CINP: variants seen among roughly 807,000 people sequenced by gnomAD.
CINP encodes the protein cyclin dependent kinase 2 interacting protein, also known as cyclin-dependent kinase 2-interacting protein.
CINP carries 11 observed loss-of-function variants against 20.5 expected under a neutral mutation model. That is an observed-to-expected ratio of 0.54 (90% CI 0.34 to 0.89). CINP has a LOEUF of 0.89. CINP is among the 40% of genes least tolerant of loss of function. The pLI is 0.02. For synonymous variants in CINP, 108 were observed against 102.1 expected (o/e 1.06, Z -0.35); for missense variants, 213 against 251.0 (o/e 0.85, Z 1.02).
chr14:102,350,871 G>C (rs1886852806), intron 3 of CINP, among the ~76,000 whole-genome samples: 1 of 149,292 alleles, frequency 6.7e-6, no homozygotes, highest in South Asian at 2.1e-4. Context: ...GCAGTGCCAG[G>C]CTGGAGTGCA....
At chr14:102,354,582 C>T (rs1245403056) in intron 3 of CINP, among the ~76,000 whole-genome samples, 3 of 149,178 alleles carry the variant, frequency 2.0e-5, no homozygotes, top group Non-Finnish European at 3.0e-5. Context: ...CATGGTGAAA[C>T]CCCATCTCTA....
At position 102,359,234 on chromosome 14, in the gene CINP, A is replaced by ATATATATATATG. The variant is rs1236159653; in HGVS notation, c.176+184_176+185insCATATATATATA. ...TAAATAAATAAATAACTAAATATAT[A>ATATATATATATG]TATATATATATATATATATGGAATA... On this transcript the variant is annotated intron_variant, in intron 2 of 4. Transcript: ENST00000216756. 1.1e-3 allele frequency among the ~76,000 whole-genome samples: 132 copies of ATATATATATATG among 118,496 alleles called. 3 individuals are homozygous for ATATATATATATG. The highest frequency in any genetic ancestry group is 3.3e-3 in the African/African-American group (124 of 37,484). The allele number at this position is 118,496 out of a possible 152,430, so 77.7% of individuals were successfully genotyped here. A position where few individuals can be genotyped will look rare whatever the true frequency, so the allele number is the denominator to read the frequency against.
intron 3 of CINP, among the ~76,000 whole-genome samples, chr14:102,355,161 TA>T (rs527304416): frequency 2.9e-4 from 44 of 152,320 alleles, no homozygotes; most frequent in African/African-American, 1.0e-3. Context: ...TATGGCTGTT[TA>T]GTCCTATGTG....
intron 3 of CINP, among the ~76,000 whole-genome samples, chr14:102,350,367 G>A (rs866346166): frequency 6.6e-6 from 1 of 151,854 alleles, no homozygotes; most frequent in African/African-American, 2.4e-5. Context: ...GGAATCCCAA[G>A]GCAGGCTCTT....
chr14:102,356,440 C>T (rs545402376), intron 2 of CINP, among the ~76,000 whole-genome samples: 4 of 151,738 alleles, frequency 2.6e-5, no homozygotes, highest in South Asian at 2.1e-4. Flanking sequence ...CACCATTCAG[C>T]GGTGTGGCAT....
chr14:102,362,798 A>G, intron 1 of CINP, 47 bp downstream of exon 1: 1 of 1,612,662 alleles, frequency 6.2e-7, no homozygotes, highest in Non-Finnish European at 8.5e-7. Context: ...CCTAAGCAGT[A>G]ACATTCACAG....
In CINP at chr14:102,348,567, C is replaced by G. The variant is rs377018111; in HGVS notation, c.629G>C (p.Arg210Pro). The change falls in exon 5 of 5, where the codon CGA (arginine) becomes CCA (proline). Residue 210 changes from arginine to proline, a missense_variant. Arg to Pro is a moderately radical substitution (Grantham distance 103). Coordinates refer to ENST00000216756, the MANE Select transcript of CINP (RefSeq NM_032630.3). ...LESMLLETGHRAL is the reference protein window; with the variant it reads ...LESMLLETGHPAL The stretch of plus-strand genomic sequence containing the variant: ...AGCCGTCTCAGGACGTCAGAGAGCT[C>G]GGTGGCCTGTCTCCAGCAGCATGCT... 2.5e-6 allele frequency: 4 copies of G among 1,610,214 alleles called. No homozygotes were observed. The highest frequency in any genetic ancestry group is 2.7e-5 in the African/African-American group (2 of 75,016).
chr14:102,357,287 C>A (rs533169326), intron 2 of CINP, among the ~76,000 whole-genome samples: 63 of 145,234 alleles, frequency 4.3e-4, no homozygotes, highest in Non-Finnish European at 8.9e-4. Flanking sequence ...GAGGCAAAGG[C>A]AGGAGAATTG....
At chr14:102,360,722 G>A (rs908752699) in intron 1 of CINP, among the ~76,000 whole-genome samples, 3 of 152,104 alleles carry the variant, frequency 2.0e-5, no homozygotes, top group African/African-American at 4.8e-5. Flanking sequence ...TTAGCTCAAG[G>A]GCCTCTACTA....
rs1886860072 is a variant in CINP, at chr14:102,351,190, A to T, written c.307-1142T>A. Among the ~76,000 whole-genome samples the T allele has an allele frequency of 6.6e-6, 1 of 152,198 alleles. No individual in the cohort carries two copies. Among genetic ancestry groups the T allele is most frequent in the East Asian group, 1.9e-4 (1 of 5,200 alleles). ...TTGACTTCCTTGTTTATAAAATGGC[A>T]ACACAGAAAGGGAGCCCTACACACT... is the stretch of plus-strand genomic sequence containing the variant. On this transcript the variant is annotated intron_variant, in intron 3 of 4. Coordinates refer to ENST00000216756, the MANE Select transcript of CINP (RefSeq NM_032630.3). The surrounding 1 kb of genome is among the most constrained non-coding windows in gnomAD (Gnocchi z 4.2).
rs542670467 is a variant in CINP, at chr14:102,354,290, G to A, written c.306+1478C>T. Among the ~76,000 whole-genome samples the A allele has an allele frequency of 2.6e-5, 4 of 152,292 alleles. No homozygotes were observed. In the East Asian group the frequency reaches 7.7e-4, roughly 29 times the overall value. ...TTTAGTCTCTTACGTGCTGTATCAG[G>A]GATGGGCAAACTATCCCTGGAACAC... On this transcript the variant is annotated intron_variant, in intron 3 of 4. Coordinates refer to ENST00000216756, the MANE Select transcript of CINP (RefSeq NM_032630.3).
chr14:102,356,827 A>T (rs756607421), intron 2 of CINP, among the ~76,000 whole-genome samples: 4 of 152,138 alleles, frequency 2.6e-5, no homozygotes, highest in South Asian at 2.1e-4. Flanking sequence ...AGCTTAATGA[A>T]TGGATGTTGT....
intron 3 of CINP, among the ~76,000 whole-genome samples, chr14:102,354,473 C>G (rs1038648553): frequency 6.6e-6 from 1 of 152,154 alleles, no homozygotes; most frequent in Non-Finnish European, 1.5e-5. Flanking sequence ...TAAAGATTTC[C>G]TGGACGAACA....
chr14:102,358,048 T>A lies in CINP; in HGVS notation c.176+1371A>T, dbSNP rs540343346. On this transcript the variant is annotated intron_variant, in intron 2 of 4. Coordinates refer to ENST00000216756, the MANE Select transcript of CINP (RefSeq NM_032630.3). ...TTCCTAGGGCCCTTAAGAATGATGTTAAATCTACTCTGCCAGTGGAAAAAG... is the reference window on the plus strand; with the variant it reads ...TTCCTAGGGCCCTTAAGAATGATGTAAAATCTACTCTGCCAGTGGAAAAAG... Among the ~76,000 whole-genome samples the A allele has an allele frequency of 1.1e-4, 16 of 152,314 alleles. 1 individual carries two copies. The highest frequency in any genetic ancestry group is 9.8e-4 in the Admixed American group (15 of 15,302).
Position 102,362,866 on chromosome 14 carries a change from T to A in CINP, c.-15A>T, listed in dbSNP as rs1476254135. ...GCACCTTCCATAAGGTCCACAGATA[T>A]CCGTAGAAGGAGACGCGAAGCCCCG... is the stretch of plus-strand genomic sequence containing the variant. On this transcript the variant is annotated 5_prime_UTR_variant, in exon 1 of 5. Coordinates refer to ENST00000216756, the MANE Select transcript of CINP (RefSeq NM_032630.3). The A allele has an allele frequency of 1.2e-6, 2 of 1,614,018 alleles. No homozygotes were observed. Among genetic ancestry groups the A allele is most frequent in the East Asian group, 2.2e-5 (1 of 44,868 alleles).
chr14:102,352,185 C>T (rs1191422935), intron 3 of CINP, among the ~76,000 whole-genome samples: 2 of 152,156 alleles, frequency 1.3e-5, no homozygotes, highest in African/African-American at 4.8e-5. Flanking sequence ...CGCGCCCAGC[C>T]GACACCAAGT....
chr14:102,361,467 A>G (rs1373411149), intron 1 of CINP, among the ~76,000 whole-genome samples: 2 of 151,760 alleles, frequency 1.3e-5, no homozygotes, highest in Admixed American at 6.6e-5. Context: ...GTGAAACCTC[A>G]TCTCTACTAA....
In CINP at chr14:102,351,270, GA is replaced by G. The variant is rs1157490318; in HGVS notation, c.307-1223del. ...CTGCCATTGACGGTCCCTCAGTGTG[GA>G]CCAGGCTCTGTCCTAAGCCCTGTAA... On this transcript the variant is annotated intron_variant, in intron 3 of 4. Coordinates refer to ENST00000216756, the MANE Select transcript of CINP (RefSeq NM_032630.3). The surrounding 1 kb of genome is among the most constrained non-coding windows in gnomAD (Gnocchi z 4.2). Among the ~76,000 whole-genome samples, 1 of 152,216 alleles carries G rather than the reference GA, an allele frequency of 6.6e-6. No homozygotes were observed. Among genetic ancestry groups the G allele is most frequent in the African/African-American group, 2.4e-5 (1 of 41,466 alleles).
intron 1 of CINP, among the ~76,000 whole-genome samples, chr14:102,360,534 G>A (rs1887117505): frequency 1.3e-5 from 2 of 152,202 alleles, no homozygotes; most frequent in South Asian, 2.1e-4. Flanking sequence ...GCCTGCGTCT[G>A]AACCCCAGCT....
Sources: allele counts gnomAD v4.1 joint callset (sites outside exome capture counted in the v4.1 genomes callset), GRCh38; gene constraint gnomAD v4.1.1; non-coding constraint Gnocchi (gnomAD v3.1); transcripts MANE v1.5; gene names NCBI Gene and HGNC (gene_info 2026-07-23, HGNC 2026-07-21).